Variants in AFTPH observed in about 807,000 individuals in gnomAD.
AFTPH encodes the protein aftiphilin protein.
A neutral mutation model predicts 72.5 loss-of-function variants in AFTPH; 7 were observed. The observed-to-expected ratio is 0.10, with a 90% CI of 0.05 to 0.18. The LOEUF (loss-of-function observed/expected upper bound fraction) is 0.18. Ranked by LOEUF, AFTPH falls within the 10% of genes least tolerant of loss-of-function variation. The pLI is 1.00. For missense variants in AFTPH, 979 were observed against 1,060.5 expected (o/e 0.92, Z 1.07); for synonymous variants, 337 against 370.1 (o/e 0.91, Z 1.03).
At chr2:64,531,576 A>G (rs1669634883) in intron 1 of AFTPH, among the ~76,000 whole-genome samples, 1 of 150,078 alleles carries the variant, frequency 6.7e-6, no homozygotes, top group South Asian at 2.1e-4. Flanking sequence ...ATTTAAGTAT[A>G]AAAAAATACA....
chr2:64,533,588 G>C (rs1043197067), intron 1 of AFTPH, among the ~76,000 whole-genome samples: 3 of 151,904 alleles, frequency 2.0e-5, no homozygotes, highest in Admixed American at 1.3e-4. Flanking sequence ...TCTTAATTAA[G>C]AGTGAATATT....
At chr2:64,545,710 CCT>C (rs200276892) in intron 1 of AFTPH, among the ~76,000 whole-genome samples, 74,636 of 149,188 alleles carry the variant, frequency 0.5, 22,360 homozygotes, top group African/African-American at 0.85. Context: ...TACATAATAT[CCT>C]TTCAAAGGAC....
At chr2:64,549,103 A>G (rs564476293) in intron 1 of AFTPH, among the ~76,000 whole-genome samples, 1 of 152,126 alleles carries the variant, frequency 6.6e-6, no homozygotes, top group African/African-American at 2.4e-5. Flanking sequence ...AAATTAAACT[A>G]TGTGGTTTCT....
intron 1 of AFTPH, among the ~76,000 whole-genome samples, chr2:64,534,608 T>C (rs1420535541): frequency 6.6e-6 from 1 of 152,186 alleles, no homozygotes; most frequent in African/African-American, 2.4e-5. Flanking sequence ...AACTAAAAAG[T>C]TCAGATTTTA....
intron 1 of AFTPH, among the ~76,000 whole-genome samples, chr2:64,535,968 T>C (rs1419062648): frequency 6.6e-6 from 1 of 152,142 alleles, no homozygotes; most frequent in Non-Finnish European, 1.5e-5. Flanking sequence ...GTAAGAGATA[T>C]TAAGGAGGGA....
intron 1 of AFTPH, among the ~76,000 whole-genome samples, chr2:64,527,339 G>C (rs972547526): frequency 6.6e-6 from 1 of 152,174 alleles, no homozygotes; most frequent in African/African-American, 2.4e-5. Context: ...CCAGCACTTT[G>C]GGAGACCGGG....
chr2:64,548,223 C>T (rs577045721), intron 1 of AFTPH, among the ~76,000 whole-genome samples: 1 of 145,594 alleles, frequency 6.9e-6, no homozygotes, highest in Non-Finnish European at 1.5e-5. Context: ...GAAACCCCGT[C>T]TCTACTAAAA....
chr2:64,536,455 A>G (rs1353697541), intron 1 of AFTPH, among the ~76,000 whole-genome samples: 3 of 150,954 alleles, frequency 2.0e-5, no homozygotes, highest in South Asian at 4.2e-4. Context: ...AATCCCAGCT[A>G]TTGCTCAGGA....
intron 1 of AFTPH, among the ~76,000 whole-genome samples, chr2:64,546,041 C>T (rs988891452): frequency 3.3e-5 from 5 of 151,784 alleles, no homozygotes; most frequent in East Asian, 1.9e-4. Flanking sequence ...TACAGGCACC[C>T]GCCACCACGC....
At chr2:64,544,689 A>T (rs1294658113) in intron 1 of AFTPH, among the ~76,000 whole-genome samples, 1 of 143,710 alleles carries the variant, frequency 7.0e-6, no homozygotes, top group African/African-American at 2.8e-5. Flanking sequence ...TATACAAGTA[A>T]TACTTCAATT....
chr2:64,587,977 A>G (rs576011890), intron 8 of AFTPH, among the ~76,000 whole-genome samples: 1 of 152,350 alleles, frequency 6.6e-6, no homozygotes, highest in South Asian at 2.1e-4. Context: ...ATAAAAATTT[A>G]TAATTCATTC....
chr2:64,525,821 A>T lies in AFTPH; in HGVS notation c.-33+1209A>T, dbSNP rs531582401. On this transcript the variant is annotated intron_variant, in intron 1 of 8. Transcript: ENST00000238856. ...CATTTTTAACACTTCGCAGAGGTAT[A>T]TTTGTTTAAACAAAGTATCTGTGGT... 1.8e-4 allele frequency among the ~76,000 whole-genome samples: 27 copies of T among 152,322 alleles called. No homozygotes were observed. In the South Asian group the frequency reaches 5.4e-3, roughly 30 times the overall value.
chr2:64,576,754 T>C (rs1020766729), intron 6 of AFTPH, among the ~76,000 whole-genome samples: 1 of 152,106 alleles, frequency 6.6e-6, no homozygotes, highest in Non-Finnish European at 1.5e-5. Flanking sequence ...AGTTCCATGC[T>C]CACTTTTTTT....
At position 64,555,555 on chromosome 2, in the gene AFTPH, T is replaced by TCACACACA. The variant is rs111905151; in HGVS notation, c.1935+2183_1935+2190dup. ...CAGGCTAGGCTACAGAGAGAGACTG[T>TCACACACA]CACACACACACACACACACACACAC... On this transcript the variant is annotated intron_variant, in intron 2 of 8. Transcript: ENST00000238856. Among the ~76,000 whole-genome samples the TCACACACA allele has an allele frequency of 4.4e-3, 616 of 140,852 alleles. 2 individuals carry two copies. Among genetic ancestry groups the TCACACACA allele is most frequent in the African/African-American group, 9.8e-3 (373 of 37,892 alleles). 92.4% of individuals were successfully genotyped at this position (140,852 alleles called of 152,430 possible).
At chr2:64,527,241 G>A (rs1181520761) in intron 1 of AFTPH, among the ~76,000 whole-genome samples, 1 of 152,114 alleles carries the variant, frequency 6.6e-6, no homozygotes, top group Non-Finnish European at 1.5e-5. Context: ...CATTCATTAT[G>A]GCTTTTTTCT....
chr2:64,556,895 A>G (rs1328562096), intron 2 of AFTPH, among the ~76,000 whole-genome samples: 2 of 152,212 alleles, frequency 1.3e-5, no homozygotes, highest in African/African-American at 2.4e-5. Flanking sequence ...GAAGTTTAGT[A>G]TATTTCATTC....
At chr2:64,546,451 TTTAA>T (rs1364677814) in intron 1 of AFTPH, among the ~76,000 whole-genome samples, 7 of 152,144 alleles carry the variant, frequency 4.6e-5, no homozygotes, top group Non-Finnish European at 7.4e-5. Context: ...GGGTGAGGAA[TTTAA>T]TTAAGGACTC....
At chr2:64,547,322 G>C (rs6731857) in intron 1 of AFTPH, among the ~76,000 whole-genome samples, 74,187 of 152,012 alleles carry the variant, frequency 0.49, 21,606 homozygotes, top group African/African-American at 0.83. Flanking sequence ...TTTGTAGGCT[G>C]TCTCTCAGTT....
At chr2:64,564,489 C>A (rs564356115) in intron 2 of AFTPH, among the ~76,000 whole-genome samples, 4 of 152,122 alleles carry the variant, frequency 2.6e-5, no homozygotes, top group African/African-American at 9.6e-5. Flanking sequence ...TGGTAGACGC[C>A]TATAATCCCA....
Sources: gnomAD v4.1 joint callset for allele counts (sites outside exome capture counted in the v4.1 genomes callset) on GRCh38, gnomAD v4.1.1 for gene constraint, MANE v1.5 for transcripts, NCBI Gene and HGNC (gene_info 2026-07-23, HGNC 2026-07-21) for gene names.